CNTN3: variants seen among roughly 807,000 people sequenced by gnomAD.
CNTN3 encodes contactin 3, also known as contactin-3.
Under a neutral mutation model 119.1 loss-of-function variants are expected in CNTN3, and 60 were observed. That is an observed-to-expected ratio of 0.50 (90% CI 0.41 to 0.62). The LOEUF (loss-of-function observed/expected upper bound fraction) is 0.62. Among genes scored for constraint, CNTN3 ranks in the 20% least tolerant of loss-of-function variants. The pLI is 0.00. For missense variants in CNTN3, 1,101 were observed against 1,242.4 expected, an observed-to-expected ratio of 0.89 and a Z score of 1.71; for synonymous variants, 450 against 438.7, an observed-to-expected ratio of 1.03 and a Z score of -0.32.
At chr3:74,453,727 G>A (rs1193101860) in intron 4 of CNTN3, among the ~76,000 whole-genome samples, 10 of 150,110 alleles carry the variant, frequency 6.7e-5, no homozygotes, top group South Asian at 2.1e-4. Context: ...CTTTGTTCTC[G>A]TTGGTTTCAA....
chr3:74,288,850 G>A (rs1405348719), intron 19 of CNTN3, among the ~76,000 whole-genome samples: 1 of 152,018 alleles, frequency 6.6e-6, no homozygotes. Context: ...AACCCAAAAG[G>A]GCACCAGAAA....
At chr3:74,454,397 A>C (rs1178238625) in intron 4 of CNTN3, among the ~76,000 whole-genome samples, 6 of 149,504 alleles carry the variant, frequency 4.0e-5, no homozygotes, top group Non-Finnish European at 7.4e-5. Context: ...TTTTGAGCCT[A>C]TGTGTGTCTC....
rs771833113 is a variant in CNTN3 at position 74,334,890 on chromosome 3, C to T, written c.1513G>A (p.Ala505Thr). ...ACAGAAACATCCATGTTAGATGGTG[C>T]CAAAGTTATTCTTGTTGGTTCTATT... ...VVTEPTRITLAPSNMDVSVGE... is the reference protein window; with the variant it reads ...VVTEPTRITLTPSNMDVSVGE... The change falls in exon 13 of 23, where the codon GCA (alanine) becomes ACA (threonine). Residue 505 changes from alanine (A) to threonine (T), a missense_variant. Ala to Thr is a moderately conservative substitution (Grantham distance 58). Transcript: ENST00000263665. The T allele has an allele frequency of 1.2e-6, 2 of 1,609,842 alleles. No homozygotes were observed. Among genetic ancestry groups the T allele is most frequent in the Non-Finnish European group, 1.7e-6 (2 of 1,178,666 alleles).
chr3:74,348,201 A>G (rs1477347139), intron 11 of CNTN3, among the ~76,000 whole-genome samples: 1 of 152,172 alleles, frequency 6.6e-6, no homozygotes, highest in Non-Finnish European at 1.5e-5. Context: ...ACACACACAC[A>G]CAAAATGGTA....
intron 4 of CNTN3, among the ~76,000 whole-genome samples, chr3:74,443,397 A>T (rs114798360): frequency 0.017 from 2,634 of 152,184 alleles, 77 homozygotes; most frequent in African/African-American, 0.058. Context: ...CCAGTCTCAT[A>T]TTCCTCCCAT....
chr3:74,406,596 T>C (rs544388648), intron 5 of CNTN3, among the ~76,000 whole-genome samples: 1 of 152,214 alleles, frequency 6.6e-6, no homozygotes, highest in African/African-American at 2.4e-5. Context: ...AAAATCTTAC[T>C]TTTTTTAGAT....
intron 4 of CNTN3, among the ~76,000 whole-genome samples, chr3:74,426,949 ATTT>A (rs1553659551): frequency 6.6e-6 from 1 of 152,158 alleles, no homozygotes; most frequent in Non-Finnish European, 1.5e-5. Flanking sequence ...CTGCCATACA[ATTT>A]CACAGTGTGG....
intron 1 of CNTN3, among the ~76,000 whole-genome samples, chr3:74,568,025 C>T (rs1704253686): frequency 6.6e-6 from 1 of 152,118 alleles, no homozygotes; most frequent in South Asian, 2.1e-4. Context: ...AAAGGCAGCC[C>T]CCACTTTTTC....
chr3:74,450,409 T>C (rs1372803826), intron 4 of CNTN3, among the ~76,000 whole-genome samples: 3 of 152,120 alleles, frequency 2.0e-5, no homozygotes, highest in Non-Finnish European at 4.4e-5. Flanking sequence ...AAGGTCTATG[T>C]ACAAAGATCT....
At chr3:74,463,789 T>C (rs931930615) in intron 4 of CNTN3, among the ~76,000 whole-genome samples, 5 of 152,148 alleles carry the variant, frequency 3.3e-5, no homozygotes, top group African/African-American at 1.2e-4. Flanking sequence ...TCTAATGAAA[T>C]GACGCTGTTG....
At chr3:74,431,758 T>G (rs745819065) in intron 4 of CNTN3, among the ~76,000 whole-genome samples, 10 of 152,180 alleles carry the variant, frequency 6.6e-5, no homozygotes, top group Non-Finnish European at 1.2e-4. Context: ...AACATAATAG[T>G]GGCAATATAT....
rs762923246 is a variant in CNTN3, at chr3:74,499,595, T to G, written c.182+64A>C. Reference sequence around the variant, plus strand: ...ATAAATATATTGAAGCAAAAAAAAATTCACAATCACCACATAAGTGTGTTT... The same window carrying G: ...ATAAATATATTGAAGCAAAAAAAAAGTCACAATCACCACATAAGTGTGTTT... On this transcript the variant is annotated intron_variant, in intron 3 of 22. Coordinates refer to ENST00000263665, the MANE Select transcript of CNTN3 (RefSeq NM_020872.3). The G allele has an allele frequency of 6.3e-4, 932 of 1,483,510 alleles. 1 individual carries two copies. Among genetic ancestry groups the G allele is most frequent in the Non-Finnish European group, 8.1e-4 (901 of 1,112,840 alleles). 91.9% of individuals were successfully genotyped at this position (1,483,510 alleles called of 1,614,324 possible).
At chr3:74,447,758 G>A (rs954984140) in intron 4 of CNTN3, among the ~76,000 whole-genome samples, 8 of 152,132 alleles carry the variant, frequency 5.3e-5, no homozygotes, top group African/African-American at 1.7e-4. Context: ...TCCCTGAGGT[G>A]GAGAGTTCAT....
chr3:74,567,700 G>A (rs545387659), intron 1 of CNTN3, among the ~76,000 whole-genome samples: 2 of 152,190 alleles, frequency 1.3e-5, no homozygotes, highest in South Asian at 2.1e-4. Flanking sequence ...GACAGTCGAT[G>A]ATGCTTCTGG....
chr3:74,335,742 A>C (rs1703377184), intron 12 of CNTN3, among the ~76,000 whole-genome samples: 1 of 151,972 alleles, frequency 6.6e-6, no homozygotes, highest in Admixed American at 6.6e-5. Context: ...CCTTGCAGCC[A>C]CTCCACTTTT....
At chr3:74,267,811 C>T (rs929692442) in intron 20 of CNTN3, among the ~76,000 whole-genome samples, 5 of 151,932 alleles carry the variant, frequency 3.3e-5, no homozygotes, top group Non-Finnish European at 5.9e-5. Flanking sequence ...GTTCCTAAAC[C>T]AAGAAAGGAA....
chr3:74,501,188 T>C (rs1037800606), intron 2 of CNTN3, among the ~76,000 whole-genome samples: 23 of 151,592 alleles, frequency 1.5e-4, no homozygotes, highest in African/African-American at 5.3e-4. Flanking sequence ...CCTTGGAAAC[T>C]GGCCACATCA....
At chr3:74,561,996 T>A (rs1159756666) in intron 1 of CNTN3, among the ~76,000 whole-genome samples, 1 of 152,092 alleles carries the variant, frequency 6.6e-6, no homozygotes, top group South Asian at 2.1e-4. Flanking sequence ...GTTCACAAGA[T>A]CTTTAGAAAA....
intron 20 of CNTN3, among the ~76,000 whole-genome samples, chr3:74,280,415 C>G (rs953539541): frequency 6.6e-6 from 1 of 152,124 alleles, no homozygotes; most frequent in African/African-American, 2.4e-5. Context: ...TGTTTCAGGC[C>G]AGGCTGGTCC....
Sources: allele counts gnomAD v4.1 joint callset (sites outside exome capture counted in the v4.1 genomes callset), GRCh38; gene constraint gnomAD v4.1.1; transcripts MANE v1.5; gene names NCBI Gene and HGNC (gene_info 2026-07-23, HGNC 2026-07-21).